TTC28: variants seen among roughly 807,000 people sequenced by gnomAD.
TTC28 encodes tetratricopeptide repeat domain 28, also known as tetratricopeptide repeat protein 28.
A neutral mutation model predicts 198.0 loss-of-function variants in TTC28; 61 were observed. The observed-to-expected ratio is 0.31, with a 90% CI of 0.25 to 0.38. The LOEUF (loss-of-function observed/expected upper bound fraction) is 0.38. Among genes scored for constraint, TTC28 ranks in the 10% least tolerant of loss-of-function variants. The pLI, the probability that TTC28 is intolerant of heterozygous loss-of-function variation, is 1.00. For synonymous variants in TTC28, 1,171 were observed against 1,297.8 expected (o/e 0.90, Z 2.10); for missense variants, 2,678 against 3,164.0 (o/e 0.85, Z 3.69).
intron 17 of TTC28, chr22:27,994,505 A>G (rs1937516230): frequency 6.7e-6 from 1 of 149,012 alleles, no homozygotes; most frequent in Non-Finnish European, 1.5e-5. Flanking sequence ...CAGGCATCCC[A>G]GACAGGAGGA....
At chr22:28,052,428 A>G (rs1940124110) in intron 12 of TTC28, among the ~76,000 whole-genome samples, 1 of 152,176 alleles carries the variant, frequency 6.6e-6, no homozygotes, top group African/African-American at 2.4e-5. Flanking sequence ...CACTTGCCCC[A>G]GGAAGCCCAG....
At chr22:28,620,059 T>C (rs1016858804) in intron 2 of TTC28, among the ~76,000 whole-genome samples, 11 of 152,130 alleles carry the variant, frequency 7.2e-5, no homozygotes, top group Admixed American at 3.3e-4. Context: ...GGAGAAACAA[T>C]AGCCAACATC....
chr22:28,159,246 T>C (rs1943828543), intron 6 of TTC28, among the ~76,000 whole-genome samples: 1 of 152,106 alleles, frequency 6.6e-6, no homozygotes, highest in Non-Finnish European at 1.5e-5. Context: ...GGACAGGCAA[T>C]AACAAATGCT....
At chr22:28,102,681 G>A (rs1005977343) in intron 8 of TTC28, among the ~76,000 whole-genome samples, 1 of 152,164 alleles carries the variant, frequency 6.6e-6, no homozygotes, top group African/African-American at 2.4e-5. Flanking sequence ...ATCATGCTGG[G>A]CCTGTGCAAT....
chr22:28,162,145 T>A (rs912917155), intron 6 of TTC28, among the ~76,000 whole-genome samples: 32 of 152,240 alleles, frequency 2.1e-4, no homozygotes, highest in African/African-American at 7.2e-4. Flanking sequence ...TAAGATAATA[T>A]CTTCTAAAAA....
chr22:28,037,484 C>T (rs1486536015), intron 12 of TTC28, among the ~76,000 whole-genome samples: 1 of 152,126 alleles, frequency 6.6e-6, no homozygotes, highest in Admixed American at 6.6e-5. Context: ...ATGCTAAAAA[C>T]TCTCAATAAA....
intron 2 of TTC28, among the ~76,000 whole-genome samples, chr22:28,478,666 T>C (rs933411020): frequency 3.3e-5 from 5 of 152,168 alleles, no homozygotes; most frequent in Admixed American, 6.5e-5. Flanking sequence ...GGCTATGAGT[T>C]GCTAATTGTT....
chr22:28,104,790 T>C (rs1942248948), intron 8 of TTC28, among the ~76,000 whole-genome samples: 1 of 152,236 alleles, frequency 6.6e-6, no homozygotes, highest in Admixed American at 6.5e-5. Flanking sequence ...TCAGCTGCCA[T>C]GTCAGAACTG....
Position 27,980,246 on chromosome 22 carries a change from C to T in TTC28, c.*1975G>A, listed in dbSNP as rs1936967114. 6.6e-6 allele frequency: 1 copy of T among 152,226 alleles called. No homozygotes were observed. 9.4% of individuals were successfully genotyped at this position (152,226 alleles called of 1,614,324 possible). A position where few individuals can be genotyped will look rare whatever the true frequency, so the allele number is the denominator to read the frequency against. ...TGATTTTGCTATCTAATGCACAGTG[C>T]TATAAATTTGGTCTTCACTTGCTAC... On this transcript the variant is annotated 3_prime_UTR_variant, in exon 23 of 23. Coordinates refer to ENST00000397906, the MANE Select transcript of TTC28 (RefSeq NM_001145418.2).
At chr22:28,355,722 G>A (rs1475661228) in intron 2 of TTC28, among the ~76,000 whole-genome samples, 1 of 152,186 alleles carries the variant, frequency 6.6e-6, no homozygotes, top group Admixed American at 6.5e-5. Flanking sequence ...ATCCCACAAA[G>A]AGCCAATGTG....
chr22:28,332,966 T>G (rs543350238), intron 2 of TTC28, among the ~76,000 whole-genome samples: 2 of 152,226 alleles, frequency 1.3e-5, no homozygotes, highest in Admixed American at 1.3e-4. Flanking sequence ...ATGGTTTTCA[T>G]GAGCTCTTCC....
chr22:28,481,291 G>C (rs1438364166), intron 2 of TTC28, among the ~76,000 whole-genome samples: 1 of 152,170 alleles, frequency 6.6e-6, no homozygotes, highest in East Asian at 1.9e-4. Flanking sequence ...CTACATTTCA[G>C]AGTAACACTG....
At chr22:28,022,391 G>C (rs1938647107) in intron 13 of TTC28, among the ~76,000 whole-genome samples, 1 of 152,232 alleles carries the variant, frequency 6.6e-6, no homozygotes, top group Admixed American at 6.5e-5. Context: ...CAGACACATG[G>C]TCCTCACCTT....
chr22:28,069,440 C>G (rs1253374770), intron 12 of TTC28, among the ~76,000 whole-genome samples: 1 of 151,982 alleles, frequency 6.6e-6, no homozygotes, highest in Non-Finnish European at 1.5e-5. Flanking sequence ...CTTCTTTGTC[C>G]AAAAAGAAGC....
At position 28,243,174 on chromosome 22, in the gene TTC28, C is replaced by CAAAAAAAA. The variant is rs754700795; in HGVS notation, c.933+53016_933+53023dup. On this transcript the variant is annotated intron_variant, in intron 5 of 22. Coordinates refer to ENST00000397906, the MANE Select transcript of TTC28 (RefSeq NM_001145418.2). The stretch of plus-strand genomic sequence containing the variant: ...GCAACCTGGCAAAACCCCCTCTCTA[C>CAAAAAAAA]AAAAAAAAAAAAAAAAAAAAAAAAA... Among the ~76,000 whole-genome samples the CAAAAAAAA allele has an allele frequency of 2.1e-3, 143 of 68,316 alleles. 26 individuals carry two copies. The highest frequency in any genetic ancestry group is 2.4e-3 in the Non-Finnish European group (92 of 38,900). The allele number at this position is 68,316 out of a possible 152,430, so 44.8% of individuals were successfully genotyped here. A position where few individuals can be genotyped will look rare whatever the true frequency, so the allele number is the denominator to read the frequency against.
intron 2 of TTC28, among the ~76,000 whole-genome samples, chr22:28,556,035 C>A (rs1204797377): frequency 6.6e-6 from 1 of 151,618 alleles, no homozygotes; most frequent in African/African-American, 2.4e-5. Context: ...TCATGGAAAA[C>A]TCAGTTTTGG....
chr22:28,256,210 T>A (rs1930904165), intron 5 of TTC28, among the ~76,000 whole-genome samples: 1 of 151,144 alleles, frequency 6.6e-6, no homozygotes, highest in African/African-American at 2.4e-5. Context: ...TCACCTGAGG[T>A]CAGGAGTTCG....
intron 2 of TTC28, among the ~76,000 whole-genome samples, chr22:28,523,462 G>T (rs2146435270): frequency 6.6e-6 from 1 of 152,262 alleles, no homozygotes; most frequent in South Asian, 2.1e-4. Context: ...GGCAGTCATG[G>T]GGATCCACTA....
At chr22:28,656,315 A>G (rs2051651532) in intron 1 of TTC28, among the ~76,000 whole-genome samples, 1 of 152,190 alleles carries the variant, frequency 6.6e-6, no homozygotes, top group Non-Finnish European at 1.5e-5. Flanking sequence ...AGTAACTGCT[A>G]CAGGAAGGTA....
Sources: allele counts gnomAD v4.1 joint callset (sites outside exome capture counted in the v4.1 genomes callset), GRCh38; gene constraint gnomAD v4.1.1; transcripts MANE v1.5; gene names NCBI Gene and HGNC (gene_info 2026-07-23, HGNC 2026-07-21).